Variants in KPNA4 observed in about 807,000 individuals in gnomAD.
The protein encoded by KPNA4 is karyopherin subunit alpha 4, also known as importin subunit alpha-3.
Under a neutral mutation model 71.3 loss-of-function variants are expected in KPNA4, and 13 were observed. That is an observed-to-expected ratio of 0.18 (90% CI 0.12 to 0.29). KPNA4 has a LOEUF of 0.29. KPNA4 is among the 10% of genes least tolerant of loss of function. The pLI is 1.00. For missense variants in KPNA4, 334 were observed against 603.2 expected, an observed-to-expected ratio of 0.55 and a Z score of 4.67; for synonymous variants, 189 against 195.2, an observed-to-expected ratio of 0.97 and a Z score of 0.26.
Position 160,499,904 on chromosome 3 carries a change from T to C in KPNA4, c.*2200A>G, listed in dbSNP as rs1462511976. 6.6e-6 allele frequency: 1 copy of C among 152,112 alleles called. No homozygotes were observed. Among genetic ancestry groups the C allele is most frequent in the Non-Finnish European group, 1.5e-5 (1 of 67,994 alleles). The allele number at this position is 152,112 out of a possible 1,614,324, so 9.4% of individuals were successfully genotyped here. On this transcript the variant is annotated 3_prime_UTR_variant, in exon 17 of 17. Coordinates refer to ENST00000334256, the MANE Select transcript of KPNA4 (RefSeq NM_002268.5). ...AGCAATACTCAAAATATAGTTCAAG[T>C]TGTCTCGGTCTGTTTTACTGGAGAA...
At chr3:160,547,221 T>TA (rs1721931785) in intron 1 of KPNA4, among the ~76,000 whole-genome samples, 1 of 152,228 alleles carries the variant, frequency 6.6e-6, no homozygotes. Flanking sequence ...ATAAAAATCT[T>TA]AAAGTGTTAT....
At chr3:160,559,091 A>C (rs1384805514) in intron 1 of KPNA4, among the ~76,000 whole-genome samples, 1 of 152,204 alleles carries the variant, frequency 6.6e-6, no homozygotes, top group Non-Finnish European at 1.5e-5. Context: ...CACTTTTTTC[A>C]TGGAACACTA....
intron 1 of KPNA4, among the ~76,000 whole-genome samples, chr3:160,546,999 G>A (rs749035188): frequency 3.9e-5 from 6 of 152,170 alleles, no homozygotes; most frequent in Non-Finnish European, 7.4e-5. Flanking sequence ...TTTCCAGGGT[G>A]AGCTTTTGAC....
intron 8 of KPNA4, among the ~76,000 whole-genome samples, chr3:160,526,882 T>C (rs1560049322): frequency 2.0e-5 from 3 of 152,240 alleles, no homozygotes; most frequent in Non-Finnish European, 2.9e-5. Flanking sequence ...CAAGATGCTG[T>C]ATAATAGCTC....
chr3:160,550,658 T>C (rs1415901334), intron 1 of KPNA4, among the ~76,000 whole-genome samples: 5 of 152,212 alleles, frequency 3.3e-5, no homozygotes, highest in African/African-American at 7.2e-5. Context: ...ATGGCCCTTA[T>C]TATGTTGAGA....
At chr3:160,519,229 GTCT>G (rs1365209658) in intron 11 of KPNA4, among the ~76,000 whole-genome samples, 5 of 152,138 alleles carry the variant, frequency 3.3e-5, no homozygotes, top group African/African-American at 1.2e-4. Context: ...ATTTATTTAG[GTCT>G]TCTTTAATGT....
chr3:160,531,061 C>T, intron 6 of KPNA4, 121 bp from the exon 7 acceptor site: 1 of 673,162 alleles, frequency 1.5e-6, no homozygotes, highest in Non-Finnish European at 2.5e-6. Context: ...GTTATCTATC[C>T]ATCCAGCATA....
At chr3:160,540,934 C>A (rs1721785904) in intron 1 of KPNA4, among the ~76,000 whole-genome samples, 3 of 152,122 alleles carry the variant, frequency 2.0e-5, no homozygotes, top group Admixed American at 1.3e-4. Flanking sequence ...ATTATAAATT[C>A]AGGCAAAAGG....
chr3:160,509,078 G>C (rs73023853), intron 14 of KPNA4, among the ~76,000 whole-genome samples: 1 of 152,088 alleles, frequency 6.6e-6, no homozygotes, highest in Non-Finnish European at 1.5e-5. Flanking sequence ...CTCTAAATTT[G>C]TTCTTTTTAC....
chr3:160,539,995 T>C (rs1560052709), intron 1 of KPNA4, among the ~76,000 whole-genome samples: 2 of 127,976 alleles, frequency 1.6e-5, no homozygotes, highest in African/African-American at 5.7e-5. Flanking sequence ...TTCTTTTTCT[T>C]TTCTTTTTTT....
chr3:160,525,890 A>G (rs1266959297), intron 9 of KPNA4, 46 bp from the exon 10 acceptor site: 1 of 1,516,476 alleles, frequency 6.6e-7, no homozygotes, highest in South Asian at 1.3e-5. Flanking sequence ...CAAATAAAAA[A>G]TATATATATA....
At chr3:160,518,330 T>C (rs1721271595) in intron 11 of KPNA4, among the ~76,000 whole-genome samples, 1 of 148,814 alleles carries the variant, frequency 6.7e-6, no homozygotes, top group South Asian at 2.1e-4. Context: ...AGAGACGGGG[T>C]TTCACCGTGT....
rs1002149819 is a variant in KPNA4 at position 160,549,893 on chromosome 3, T to G, written c.70-13053A>C. ...ATTAAGTTTTCCATGAACATTGGAT[T>G]GTTTTCCATTTGTGTTTCTTTCTTT... On this transcript the variant is annotated intron_variant, in intron 1 of 16. Transcript: ENST00000334256. Among the ~76,000 whole-genome samples the G allele has an allele frequency of 3.9e-4, 60 of 152,382 alleles. 1 individual carries two copies. The highest frequency in any genetic ancestry group is 1.0e-4 in the Non-Finnish European group (7 of 68,028).
At chr3:160,509,604 AT>A in intron 14 of KPNA4, among the ~76,000 whole-genome samples, 195 bp downstream of exon 14, 1 of 152,154 alleles carries the variant, frequency 6.6e-6, no homozygotes, top group East Asian at 1.9e-4. Context: ...CTCTTATTTT[AT>A]TTTTTTAATA....
At chr3:160,534,782 AGT>A (rs547462414) in intron 5 of KPNA4, among the ~76,000 whole-genome samples, 394 of 148,438 alleles carry the variant, frequency 2.7e-3, no homozygotes, top group Non-Finnish European at 3.3e-3. Context: ...AGACACTGGG[AGT>A]GTATGCAGTC....
At chr3:160,556,244 T>C (rs1722134899) in intron 1 of KPNA4, among the ~76,000 whole-genome samples, 1 of 152,234 alleles carries the variant, frequency 6.6e-6, no homozygotes, top group Non-Finnish European at 1.5e-5. Flanking sequence ...ATCTAATTAG[T>C]AGAACTGCTG....
chr3:160,555,363 T>A (rs550960102), intron 1 of KPNA4, among the ~76,000 whole-genome samples: 2 of 152,326 alleles, frequency 1.3e-5, no homozygotes, highest in South Asian at 4.1e-4. Flanking sequence ...TCAAGGTTCA[T>A]CCATACCGTT....
intron 1 of KPNA4, among the ~76,000 whole-genome samples, chr3:160,562,169 G>A (rs1326389625): frequency 6.6e-6 from 1 of 152,090 alleles, no homozygotes; most frequent in African/African-American, 2.4e-5. Flanking sequence ...CTAACCACAT[G>A]TGGCTATTAA....
intron 1 of KPNA4, among the ~76,000 whole-genome samples, chr3:160,543,514 G>T (rs887335462): frequency 6.6e-6 from 1 of 151,954 alleles, no homozygotes; most frequent in Non-Finnish European, 1.5e-5. Flanking sequence ...TGTATTTTTG[G>T]CAGAGACAGG....
Sources: gnomAD v4.1 joint callset for allele counts (sites outside exome capture counted in the v4.1 genomes callset) on GRCh38, gnomAD v4.1.1 for gene constraint, MANE v1.5 for transcripts, NCBI Gene and HGNC (gene_info 2026-07-23, HGNC 2026-07-21) for gene names.